ANK3: variants seen among roughly 807,000 people sequenced by gnomAD.
ANK3 encodes ankyrin-3.
ANK3 carries 57 observed loss-of-function variants against 370.9 expected under a neutral mutation model. The observed-to-expected ratio is 0.15, with a 90% CI of 0.12 to 0.19. ANK3 has a LOEUF of 0.19. Among genes scored for constraint, ANK3 ranks in the 10% least tolerant of loss-of-function variants. ANK3 has a pLI of 1.00. For missense variants in ANK3, 4,439 were observed against 5,302.1 expected, an observed-to-expected ratio of 0.84 and a Z score of 5.06; for synonymous variants, 1,929 against 1,946.3, an observed-to-expected ratio of 0.99 and a Z score of 0.23.
intron 2 of ANK3, among the ~76,000 whole-genome samples, chr10:60,483,591 A>AT (rs1054611111): frequency 6.6e-6 from 1 of 151,910 alleles, no homozygotes; most frequent in Non-Finnish European, 1.5e-5. Context: ...AAGTTAACTG[A>AT]TTTTTTTTCT....
In ANK3 at chr10:60,374,801, C is replaced by T. The variant is rs111750020; in HGVS notation, c.114+14624G>A. Among the ~76,000 whole-genome samples the T allele has an allele frequency of 3.3e-5, 5 of 152,100 alleles. No homozygotes were observed. In the South Asian group the frequency reaches 6.2e-4, roughly 19 times the overall value. On this transcript the variant is annotated intron_variant, in intron 1 of 43. Coordinates refer to ENST00000280772, the MANE Select transcript of ANK3 (RefSeq NM_020987.5). ...ACTGAATATAGAAAAATAAGAGATTCGTTGGTACTTTTGGTACACTCATAA... is the reference window on the plus strand; with the variant it reads ...ACTGAATATAGAAAAATAAGAGATTTGTTGGTACTTTTGGTACACTCATAA...
chr10:60,054,051 A>AACTAAATTTTCAACCGTCTTTATGCC (rs1455235496), intron 42 of ANK3, among the ~76,000 whole-genome samples: 6 of 152,214 alleles, frequency 3.9e-5, no homozygotes, highest in African/African-American at 1.4e-4. Context: ...CAAGGTTTAA[A>AACTAAATTTTCAACCGTCTTTATGCC]ACTAAATTTT....
At chr10:60,098,077 T>G (rs1002314689) in intron 28 of ANK3, among the ~76,000 whole-genome samples, 1 of 152,326 alleles carries the variant, frequency 6.6e-6, no homozygotes, top group Admixed American at 6.5e-5. Context: ...GGCAAGTTCC[T>G]GAACTTCTCT....
intron 2 of ANK3, among the ~76,000 whole-genome samples, chr10:60,584,387 G>A (rs2077800406): frequency 2.0e-5 from 3 of 152,228 alleles, no homozygotes; most frequent in East Asian, 1.9e-4. Context: ...GGGAGGCCAA[G>A]GCAAAAGGAT....
intron 1 of ANK3, among the ~76,000 whole-genome samples, chr10:60,730,822 T>C (rs764088053): frequency 3.0e-4 from 45 of 152,188 alleles, no homozygotes; most frequent in Middle Eastern, 3.2e-3. Context: ...ACTTTAATAA[T>C]GTGAGTTTGG....
chr10:60,716,055 C>T (rs1193378092), intron 1 of ANK3, among the ~76,000 whole-genome samples: 1 of 152,226 alleles, frequency 6.6e-6, no homozygotes, highest in South Asian at 2.1e-4. Flanking sequence ...ACATGTGATA[C>T]ATATTCACAT....
Position 60,069,851 on chromosome 10 carries a change from G to A in ANK3, c.11030C>T (p.Thr3677Ile). 1 of 1,614,038 alleles carries A rather than the reference G, an allele frequency of 6.2e-7. No homozygotes were observed. Among genetic ancestry groups the A allele is most frequent in the Non-Finnish European group, 8.5e-7 (1 of 1,179,984 alleles). Residue 3677 changes from threonine to isoleucine, a missense_variant, in exon 37 of 44, where the codon ACA becomes ATA. By Grantham distance (89) the Thr-to-Ile change is moderately conservative. Around this residue, in one of 13 missense-constraint regions of ANK3, gnomAD observed 496 missense variants for 529.3 expected, o/e 0.94. Transcript: ENST00000280772. ...VETNLERNVE[T>I]PTVEPNPSIP... ...GCTGGGGTTAGGTTCCACTGTAGGT[G>A]TCTCTACATTTCTCTCTAGATTGGT...
intron 18 of ANK3, among the ~76,000 whole-genome samples, chr10:60,180,877 C>G (rs983628784): frequency 2.0e-5 from 3 of 151,958 alleles, no homozygotes; most frequent in Non-Finnish European, 4.4e-5. Context: ...CCGCACAGAC[C>G]ATTAGGAATT....
chr10:60,103,302 C>T (rs1173474965), intron 28 of ANK3, among the ~76,000 whole-genome samples: 1 of 152,060 alleles, frequency 6.6e-6, no homozygotes, highest in African/African-American at 2.4e-5. Flanking sequence ...TGGTTTAATT[C>T]AGGAACTATT....
intron 26 of ANK3, among the ~76,000 whole-genome samples, chr10:60,113,358 A>G (rs1802039897): frequency 6.6e-6 from 1 of 152,210 alleles, no homozygotes; most frequent in African/African-American, 2.4e-5. Context: ...TTATCAAATC[A>G]AAGACCTGTA....
At chr10:60,189,748 G>GT (rs376061911) in intron 16 of ANK3, among the ~76,000 whole-genome samples, 302 of 152,284 alleles carry the variant, frequency 2.0e-3, no homozygotes, top group African/African-American at 6.9e-3. Flanking sequence ...GACCTACAGG[G>GT]TTTTTTCCCT....
intron 2 of ANK3, among the ~76,000 whole-genome samples, chr10:60,526,342 C>A (rs1443012861): frequency 6.6e-6 from 1 of 152,100 alleles, no homozygotes; most frequent in Non-Finnish European, 1.5e-5. Flanking sequence ...ACAATGAAAT[C>A]AGTAGCAACT....
chr10:60,138,249 C>CT (rs1429854896), intron 24 of ANK3, among the ~76,000 whole-genome samples: 1 of 152,106 alleles, frequency 6.6e-6, no homozygotes, highest in East Asian at 1.9e-4. Flanking sequence ...TAATTATTAG[C>CT]TTTAAAATCC....
At chr10:60,695,564 G>T (rs2079434584) in intron 1 of ANK3, among the ~76,000 whole-genome samples, 1 of 152,182 alleles carries the variant, frequency 6.6e-6, no homozygotes, top group African/African-American at 2.4e-5. Context: ...TCAGACCACA[G>T]TGCAATCAAA....
rs1291266499 is a variant in ANK3, at chr10:60,308,598, T to C, written c.115-28959A>G. Among the ~76,000 whole-genome samples the C allele has an allele frequency of 2.6e-5, 4 of 152,158 alleles. No individual in the cohort carries two copies. The East Asian group carries it at 5.8e-4, about 22-fold the overall frequency. On this transcript the variant is annotated intron_variant, in intron 1 of 43. Coordinates refer to ENST00000280772, the MANE Select transcript of ANK3 (RefSeq NM_020987.5). Reference sequence around the variant, plus strand: ...GCCGGAATCTGGTGTTGGATGTCTGTTGTTGGGACCATGAGGTCAAGGACT... The same window carrying C: ...GCCGGAATCTGGTGTTGGATGTCTGCTGTTGGGACCATGAGGTCAAGGACT...
Position 60,072,953 on chromosome 10 carries a change from T to C in ANK3, c.7928A>G (p.Asn2643Ser), listed in dbSNP as rs139972937. ...CTGTCTTGCCTTAACCCACTCATCA[T>C]TGGATGCCAGCAGTTCTGTCAGTAG... The part of the protein sequence containing the change: ...KVLLTELLAS[N>S]DEWVKARQHG... Residue 2643 changes from asparagine to serine, a missense_variant, in exon 37 of 44, where the codon AAT becomes AGT. Around this residue, in one of 13 missense-constraint regions of ANK3, gnomAD observed 1,601 missense variants for 1,731.7 expected, o/e 0.92. Coordinates refer to ENST00000280772, the MANE Select transcript of ANK3 (RefSeq NM_020987.5). 6.0e-4 allele frequency: 961 copies of C among 1,614,144 alleles called. No individual in the cohort carries two copies. Among genetic ancestry groups the C allele is most frequent in the Non-Finnish European group, 7.2e-4 (855 of 1,180,022 alleles).
chr10:60,709,847 GA>G (rs2079677783), intron 1 of ANK3, among the ~76,000 whole-genome samples: 1 of 149,188 alleles, frequency 6.7e-6, no homozygotes. Flanking sequence ...AAAAAGAAAA[GA>G]AAAAAGAAAA....
At chr10:60,523,434 C>G (rs2076397391) in intron 2 of ANK3, among the ~76,000 whole-genome samples, 1 of 129,792 alleles carries the variant, frequency 7.7e-6, no homozygotes, top group Non-Finnish European at 1.6e-5. Context: ...TGTTCCCCTT[C>G]TTGTGTCCAT....
chr10:60,072,434 A>G lies in ANK3; in HGVS notation c.8447T>C (p.Met2816Thr). The G allele has an allele frequency of 6.2e-7, 1 of 1,614,086 alleles. No individual in the cohort carries two copies. The highest frequency in any genetic ancestry group is 8.5e-7 in the Non-Finnish European group (1 of 1,180,008). Residue 2816 changes from methionine to threonine, a missense_variant, in exon 37 of 44, where the codon ATG becomes ACG. Physicochemically the swap from Met to Thr is moderately conservative, Grantham distance 81. Coordinates refer to ENST00000280772, the MANE Select transcript of ANK3 (RefSeq NM_020987.5). ...SDNVKKQRTE[M>T]SSKAMPDSFS... ...AGAGTCAGGCATTGCTTTACTTGAC[A>G]TTTCAGTTCTCTGTTTTTTCACATT...
Sources: gnomAD v4.1 joint callset for allele counts (sites outside exome capture counted in the v4.1 genomes callset) on GRCh38, gnomAD v4.1.1 for gene constraint, gnomAD v4.1.1 regional missense constraint, MANE v1.5 for transcripts, NCBI Gene and HGNC (gene_info 2026-07-23, HGNC 2026-07-21) for gene names.